Variants in CSMD1 observed in about 807,000 individuals in gnomAD.
The protein encoded by CSMD1 is CUB and Sushi multiple domains 1, also known as CUB and sushi domain-containing protein 1.
Under a neutral mutation model 417.5 loss-of-function variants are expected in CSMD1, and 213 were observed. The observed-to-expected ratio is 0.51, with a 90% confidence interval of 0.46 to 0.57. The LOEUF (loss-of-function observed/expected upper bound fraction) is 0.57, where lower values mean the gene tolerates loss of function less well. Among genes scored for constraint, CSMD1 ranks in the 20% least tolerant of loss-of-function variants. The pLI is 0.00. For missense variants in CSMD1, 6,923 were observed against 4,529.7 expected, an observed-to-expected ratio of 1.53 and a Z score of -15.17; for synonymous variants, 2,862 against 1,736.8, an observed-to-expected ratio of 1.65 and a Z score of -16.11.
At chr8:2,998,493 C>T (rs1471437233) in intron 53 of CSMD1, among the ~76,000 whole-genome samples, 3 of 152,128 alleles carry the variant, frequency 2.0e-5, no homozygotes, top group Non-Finnish European at 4.4e-5. Flanking sequence ...AAAAACGAAG[C>T]AGTGAAAAAC....
intron 12 of CSMD1, among the ~76,000 whole-genome samples, chr8:3,414,560 A>C (rs1813011341): frequency 6.6e-6 from 1 of 152,056 alleles, no homozygotes; most frequent in Non-Finnish European, 1.5e-5. Context: ...GTTGCAGCCA[A>C]ACTATTTTCT....
chr8:3,983,037 C>T (rs1004438074), intron 5 of CSMD1, among the ~76,000 whole-genome samples: 1 of 152,034 alleles, frequency 6.6e-6, no homozygotes, highest in African/African-American at 2.4e-5. Flanking sequence ...ATCATGGGGC[C>T]GGGATCCCAA....
At chr8:3,847,063 C>A (rs1317198234) in intron 5 of CSMD1, among the ~76,000 whole-genome samples, 2 of 152,100 alleles carry the variant, frequency 1.3e-5, no homozygotes, top group African/African-American at 2.4e-5. Context: ...TTTAGAAGCC[C>A]TTCCAGGGTG....
intron 1 of CSMD1, among the ~76,000 whole-genome samples, chr8:4,993,816 T>C (rs979582239): frequency 2.0e-5 from 3 of 152,016 alleles, no homozygotes; most frequent in African/African-American, 7.2e-5. Flanking sequence ...ATGGGGTGTA[T>C]GGGTGCGAGG....
At chr8:4,171,539 A>G (rs1199752683) in intron 3 of CSMD1, among the ~76,000 whole-genome samples, 1 of 151,798 alleles carries the variant, frequency 6.6e-6, no homozygotes, top group Non-Finnish European at 1.5e-5. Context: ...ACACTTAACA[A>G]ATGTACAATA....
intron 7 of CSMD1, among the ~76,000 whole-genome samples, chr8:3,620,313 C>T (rs1032795431): frequency 6.6e-6 from 1 of 152,040 alleles, no homozygotes; most frequent in Non-Finnish European, 1.5e-5. Flanking sequence ...AAGGGCACTA[C>T]ACAGTCACTT....
At chr8:4,753,403 CCACACA>C (rs71209121) in intron 1 of CSMD1, among the ~76,000 whole-genome samples, 10,874 of 137,654 alleles carry the variant, frequency 0.079, 429 homozygotes, top group Non-Finnish European at 0.094. Context: ...CCACCATAAA[CCACACA>C]CACACACACA....
intron 55 of CSMD1, among the ~76,000 whole-genome samples, chr8:2,978,275 G>A (rs186184326): frequency 1.0e-3 from 158 of 152,264 alleles, no homozygotes; most frequent in Admixed American, 1.9e-3. Context: ...CCTGGCTGCC[G>A]TGTCTGAGCT....
intron 39 of CSMD1, among the ~76,000 whole-genome samples, chr8:3,152,266 G>A (rs758728808): frequency 1.3e-5 from 2 of 152,212 alleles, no homozygotes; most frequent in African/African-American, 2.4e-5. Context: ...AGACACAACT[G>A]ATTTTACAAC....
At chr8:3,821,007 C>A (rs532121714) in intron 5 of CSMD1, among the ~76,000 whole-genome samples, 1 of 152,076 alleles carries the variant, frequency 6.6e-6, no homozygotes, top group African/African-American at 2.4e-5. Flanking sequence ...ACCTCCACAT[C>A]CCGGGTTCAA....
chr8:4,120,325 T>C (rs867690064), intron 3 of CSMD1, among the ~76,000 whole-genome samples: 6 of 152,318 alleles, frequency 3.9e-5, no homozygotes, highest in Admixed American at 1.3e-4. Context: ...TTTTATTGAT[T>C]ACTTAGCTAT....
Position 3,520,749 on chromosome 8 carries a change from G to C in CSMD1, c.1345-27023C>G, listed in dbSNP as rs143060935. Among the ~76,000 whole-genome samples, 170 of 151,950 alleles carry C rather than the reference G, an allele frequency of 1.1e-3. 2 individuals carry two copies. The highest frequency in any genetic ancestry group is 3.9e-3 in the African/African-American group (161 of 41,442). The stretch of plus-strand genomic sequence containing the variant: ...TTTTTTTGTGTGTATATCCTACAAT[G>C]ACACTTGCTTATCACCAGCCAGTCT... On this transcript the variant is annotated intron_variant, in intron 10 of 69. Coordinates refer to ENST00000635120, the MANE Select transcript of CSMD1 (RefSeq NM_033225.6).
intron 3 of CSMD1, among the ~76,000 whole-genome samples, chr8:4,135,870 A>T (rs1279506798): frequency 6.6e-6 from 1 of 152,288 alleles, no homozygotes; most frequent in African/African-American, 2.4e-5. Context: ...AATAAGAAAA[A>T]TGTTCTGATA....
At chr8:4,102,916 A>C (rs1006313913) in intron 3 of CSMD1, among the ~76,000 whole-genome samples, 1 of 152,208 alleles carries the variant, frequency 6.6e-6, no homozygotes. Context: ...TGAGTGCTGG[A>C]GTCACACATT....
At chr8:3,985,443 C>G (rs1471345270) in intron 5 of CSMD1, among the ~76,000 whole-genome samples, 1 of 152,026 alleles carries the variant, frequency 6.6e-6, no homozygotes, top group African/African-American at 2.4e-5. Context: ...ACAAACACAC[C>G]TGGGCGTGCA....
chr8:3,436,376 G>A (rs1293117779), intron 12 of CSMD1, among the ~76,000 whole-genome samples: 2 of 152,260 alleles, frequency 1.3e-5, no homozygotes, highest in South Asian at 2.1e-4. Context: ...TATTTTCACT[G>A]CAAAACTGTC....
At chr8:4,938,670 G>A (rs1035841123) in intron 1 of CSMD1, among the ~76,000 whole-genome samples, 8 of 152,116 alleles carry the variant, frequency 5.3e-5, no homozygotes, top group Non-Finnish European at 7.4e-5. Flanking sequence ...CCAGGATCAA[G>A]CCTCATGATA....
intron 10 of CSMD1, among the ~76,000 whole-genome samples, chr8:3,563,065 G>T (rs375410417): frequency 1.3e-5 from 2 of 151,804 alleles, no homozygotes; most frequent in Non-Finnish European, 2.9e-5. Flanking sequence ...TCATGATCTG[G>T]GTGGGAGGAA....
At chr8:4,648,181 C>A (rs113489813) in intron 1 of CSMD1, among the ~76,000 whole-genome samples, 2 of 152,116 alleles carry the variant, frequency 1.3e-5, no homozygotes, top group Admixed American at 6.6e-5. Context: ...GTTGAGCTTT[C>A]TTTCTTATGT....
Sources: allele counts gnomAD v4.1 joint callset (sites outside exome capture counted in the v4.1 genomes callset), GRCh38; gene constraint gnomAD v4.1.1; transcripts MANE v1.5; gene names NCBI Gene and HGNC (gene_info 2026-07-23, HGNC 2026-07-21).